NAF1: variants seen among roughly 807,000 people sequenced by gnomAD.
The protein encoded by NAF1 is H/ACA ribonucleoprotein complex non-core subunit NAF1.
NAF1 carries 11 observed loss-of-function variants against 40.6 expected under a neutral mutation model. The ratio of observed to expected loss-of-function variants is 0.27; its 90% CI spans 0.17 to 0.45. The LOEUF is 0.45. NAF1 is among the 20% of genes least tolerant of loss of function. The probability of loss-of-function intolerance (pLI) is 1.00; values close to 1 mark genes in which losing one functional copy is unlikely to be tolerated. For missense variants in NAF1, 607 were observed against 611.1 expected (o/e 0.99, Z 0.07); for synonymous variants, 260 against 228.5 (o/e 1.14, Z -1.24).
chr4:163,110,367 G>A (rs1381347154), intron 2 of NAF1: 1 of 672,476 alleles, frequency 1.5e-6, no homozygotes, highest in African/African-American at 1.8e-5. Flanking sequence ...ACAAAATATT[G>A]TTATAATTGT....
At chr4:163,137,293 A>C (rs1292736708) in intron 5 of NAF1, 43 bp from the exon 6 acceptor site, 7 of 1,582,464 alleles carry the variant, frequency 4.4e-6, no homozygotes, top group Non-Finnish European at 6.0e-6. Context: ...ATTCATCACA[A>C]TTCTATTAAG....
At chr4:163,138,359 G>A (rs1291666515) in intron 5 of NAF1, among the ~76,000 whole-genome samples, 1 of 152,020 alleles carries the variant, frequency 6.6e-6, no homozygotes, top group African/African-American at 2.4e-5. Flanking sequence ...CTGCACATAT[G>A]ACATCTCATG....
At chr4:163,135,182 GCTTT>G (rs1251326241) in intron 6 of NAF1, 2 of 152,090 alleles carry the variant, frequency 1.3e-5, no homozygotes, top group East Asian at 1.9e-4. Context: ...CTTTATGCAA[GCTTT>G]CTATTTTCAC....
rs572822263 is a variant in NAF1, at chr4:163,137,788, T to G, written c.879-538A>C. Among the ~76,000 whole-genome samples the G allele has an allele frequency of 1.2e-4, 18 of 152,056 alleles. No individual in the cohort carries two copies. The South Asian group carries it at 3.7e-3, about 32-fold the overall frequency. ...ACACTGATTCTCAAAGCAGTGAGGGTCAAACAAAGGCTAACTATGAATAGT... is the reference window on the plus strand; with the variant it reads ...ACACTGATTCTCAAAGCAGTGAGGGGCAAACAAAGGCTAACTATGAATAGT... On this transcript the variant is annotated intron_variant, in intron 5 of 7. Transcript: ENST00000274054.
chr4:163,109,034 A>G (rs1730095161), downstream of NAF1: 2 of 152,222 alleles, frequency 1.3e-5, no homozygotes, highest in South Asian at 2.1e-4. Flanking sequence ...CTGTATGTTG[A>G]GAGTAAATAT....
At chr4:163,125,539 C>T (rs1369204052), downstream of NAF1, among the ~76,000 whole-genome samples, 3 of 152,176 alleles carry the variant, frequency 2.0e-5, no homozygotes, top group African/African-American at 7.2e-5. Context: ...TTCGATTCTA[C>T]GAAGGCTGAG....
intron 7 of NAF1, 101 bp from the exon 8 acceptor site, chr4:163,129,449 C>T: frequency 1.6e-6 from 2 of 1,218,334 alleles, no homozygotes; most frequent in East Asian, 5.1e-5. Flanking sequence ...TCCAGTATAT[C>T]TTGTGGCAGT....
Position 163,140,325 on chromosome 4 carries a change from G to A in NAF1, c.776C>T (p.Ser259Leu). 6.2e-7 allele frequency: 1 copy of A among 1,608,706 alleles called. No homozygotes were observed. The highest frequency in any genetic ancestry group is 1.3e-5 in the African/African-American group (1 of 74,762). Reference sequence around the variant, plus strand: ...AATACCTTTACTCTCAATGTGATCTGAAGAATTAAACCGTAACACATAAAA... The same window carrying A: ...AATACCTTTACTCTCAATGTGATCTAAAGAATTAAACCGTAACACATAAAA... ...HPFYVLRFNS[S>L]DHIESKGIKI... Residue 259 changes from serine (S) to leucine (L), a missense_variant, in exon 5 of 8, where the codon TCA (serine) becomes TTA (leucine). Coordinates refer to ENST00000274054, the MANE Select transcript of NAF1 (RefSeq NM_138386.3).
intron 7 of NAF1, 23 bp downstream of exon 7, chr4:163,133,130 AG>A (rs1173420711): frequency 6.5e-7 from 1 of 1,535,016 alleles, no homozygotes; most frequent in African/African-American, 1.4e-5. Context: ...ATAAAGAACG[AG>A]TATATATATT....
At chr4:163,127,218 C>A, downstream of NAF1, 1 of 1,370,790 alleles carries the variant, frequency 7.3e-7, no homozygotes, top group Non-Finnish European at 9.5e-7. Context: ...CAACCTCTGC[C>A]TCCCAGGTTC....
chr4:163,161,210 C>T (rs955716334), intron 2 of NAF1, among the ~76,000 whole-genome samples: 2 of 152,056 alleles, frequency 1.3e-5, no homozygotes, highest in South Asian at 2.1e-4. Flanking sequence ...CGGTGGCTCA[C>T]GCCTGTAATC....
intron 1 of NAF1, 32 bp downstream of exon 1, chr4:163,166,331 C>T: frequency 5.2e-6 from 8 of 1,545,078 alleles, no homozygotes; most frequent in Non-Finnish European, 7.0e-6. Flanking sequence ...CAAGACCTCT[C>T]CCCACAGCTC....
At chr4:163,108,595 T>G (rs955021641), downstream of NAF1, among the ~76,000 whole-genome samples, 3 of 152,222 alleles carry the variant, frequency 2.0e-5, no homozygotes, top group African/African-American at 7.2e-5. Flanking sequence ...CCATATTGGT[T>G]GATAAATCAA....
chr4:163,112,764 T>C (rs1373176466), intron 2 of NAF1, among the ~76,000 whole-genome samples: 3 of 152,226 alleles, frequency 2.0e-5, no homozygotes, highest in African/African-American at 7.2e-5. Context: ...TGTTTCCATT[T>C]TCTCAGTACA....
chr4:163,134,470 C>T (rs1008046470), intron 6 of NAF1, among the ~76,000 whole-genome samples: 8 of 151,944 alleles, frequency 5.3e-5, no homozygotes, highest in South Asian at 4.2e-4. Context: ...GATCTTAATA[C>T]GATAAGATTT....
chr4:163,156,717 G>C (rs1417587012), intron 2 of NAF1, among the ~76,000 whole-genome samples: 9 of 151,958 alleles, frequency 5.9e-5, no homozygotes, highest in Admixed American at 5.9e-4. Flanking sequence ...ATAATTTTAA[G>C]ACCACATTTT....
At chr4:163,150,603 G>A (rs879775742) in intron 2 of NAF1, among the ~76,000 whole-genome samples, 9 of 151,530 alleles carry the variant, frequency 5.9e-5, no homozygotes, top group Admixed American at 2.6e-4. Flanking sequence ...TATAATACAC[G>A]AGCTGCCTGA....
Position 163,128,952 on chromosome 4 carries a change from A to G in NAF1, c.1430T>C (p.Leu477Pro). 1.9e-6 allele frequency: 1 copy of G among 535,080 alleles called. No homozygotes were observed. Among genetic ancestry groups the G allele is most frequent in the Non-Finnish European group, 3.2e-6 (1 of 316,006 alleles). 33.1% of individuals were successfully genotyped at this position (535,080 alleles called of 1,614,324 possible). ...ATCTCCAGAAGAGGGTGGAGGAGGC[A>G]GTGGTGGAGGGGGAGGGGGTGGGGG... ...SLPPPPPPPP[L>P]PPPPSSGDSN... is the part of the protein sequence containing the mutation. Residue 477 changes from leucine to proline, a missense_variant, in exon 8 of 8, where the codon CTG becomes CCG. Coordinates refer to ENST00000274054, the MANE Select transcript of NAF1 (RefSeq NM_138386.3).
chr4:163,135,592 A>G (rs989233907), intron 6 of NAF1: 1 of 152,214 alleles, frequency 6.6e-6, no homozygotes, highest in Non-Finnish European at 1.5e-5. Context: ...GGAGTTCAAG[A>G]CTAGCCTGGA....
Sources: allele counts gnomAD v4.1 joint callset (sites outside exome capture counted in the v4.1 genomes callset), GRCh38; gene constraint gnomAD v4.1.1; transcripts MANE v1.5; gene names NCBI Gene and HGNC (gene_info 2026-07-23, HGNC 2026-07-21).